The following TUSC3 variants were observed in gnomAD, a reference collection of about 807,000 sequenced individuals.
The protein encoded by TUSC3 is tumor suppressor candidate 3, also known as dolichyl-diphosphooligosaccharide--protein glycosyltransferase subunit TUSC3.
In TUSC3, 45 loss-of-function variants were observed where a neutral mutation model predicts 44.8. That is an observed-to-expected ratio of 1.00 (90% CI 0.79 to 1.29). The LOEUF (loss-of-function observed/expected upper bound fraction) is 1.29. TUSC3 is among the 50% of genes most tolerant of loss of function. The probability of loss-of-function intolerance (pLI) is 0.00; values close to 1 mark genes in which losing one functional copy is unlikely to be tolerated. For missense variants in TUSC3, 519 were observed against 437.9 expected (o/e 1.19, Z -1.65); for synonymous variants, 212 against 152.9 (o/e 1.39, Z -2.85).
At chr8:15,627,275 C>G (rs181712171) in intron 2 of TUSC3, among the ~76,000 whole-genome samples, 2 of 152,320 alleles carry the variant, frequency 1.3e-5, no homozygotes, top group Admixed American at 1.3e-4. Context: ...GACAGCCTGC[C>G]TGGCAGAAAG....
downstream of TUSC3, among the ~76,000 whole-genome samples, chr8:15,769,072 TACTTTA>T (rs1812397751): frequency 6.6e-6 from 1 of 152,124 alleles, no homozygotes; most frequent in African/African-American, 2.4e-5. Context: ...AGAAAGAAAC[TACTTTA>T]AATTTCATGT....
chr8:15,562,066 G>T (rs987780285), intron 1 of TUSC3, among the ~76,000 whole-genome samples: 2 of 152,144 alleles, frequency 1.3e-5, no homozygotes, highest in Non-Finnish European at 2.9e-5. Flanking sequence ...TCATAGCTAA[G>T]ATGGAAATGG....
intron 1 of TUSC3, among the ~76,000 whole-genome samples, chr8:15,480,401 A>G (rs1447022822): frequency 6.6e-6 from 1 of 152,218 alleles, no homozygotes; most frequent in East Asian, 1.9e-4. Context: ...CTGGTTGGCT[A>G]GGATTGCCAT....
intron 8 of TUSC3, among the ~76,000 whole-genome samples, chr8:15,745,914 G>C (rs561885148): frequency 6.6e-6 from 1 of 152,130 alleles, no homozygotes; most frequent in Non-Finnish European, 1.5e-5. Flanking sequence ...TAAAGTTTTA[G>C]GTGTTACATT....
rs559078837 is a variant in TUSC3, at chr8:15,603,082, T to C, written c.139-19998T>C. Reference sequence around the variant, plus strand: ...AAAGGAGACCATAAGTAAATTGATATGTCAAGTCCTAGACAGAAGATATCA... The same window carrying C: ...AAAGGAGACCATAAGTAAATTGATACGTCAAGTCCTAGACAGAAGATATCA... On this transcript the variant is annotated intron_variant, in intron 1 of 10. Transcript: ENST00000503731. Among the ~76,000 whole-genome samples the C allele has an allele frequency of 3.6e-4, 54 of 151,670 alleles. No homozygotes were observed. In the Middle Eastern group the frequency reaches 0.014, roughly 38 times the overall value.
At chr8:15,695,484 G>A (rs957188117) in intron 6 of TUSC3, among the ~76,000 whole-genome samples, 4 of 152,146 alleles carry the variant, frequency 2.6e-5, no homozygotes, top group Non-Finnish European at 5.9e-5. Flanking sequence ...GCTTGGGTGT[G>A]TCTTTATCAG....
intron 1 of TUSC3, among the ~76,000 whole-genome samples, chr8:15,573,490 A>G (rs1802970932): frequency 6.6e-6 from 1 of 151,834 alleles, no homozygotes; most frequent in Non-Finnish European, 1.5e-5. Flanking sequence ...TTTATATTTC[A>G]GAGCACAGTA....
chr8:15,470,498 C>T (rs967567008), intron 1 of TUSC3, among the ~76,000 whole-genome samples: 1 of 151,892 alleles, frequency 6.6e-6, no homozygotes, highest in Non-Finnish European at 1.5e-5. Context: ...AACATATGTA[C>T]CATTCTGATG....
At chr8:15,553,370 T>G (rs1214976034) in intron 1 of TUSC3, among the ~76,000 whole-genome samples, 1 of 151,648 alleles carries the variant, frequency 6.6e-6, no homozygotes, top group Non-Finnish European at 1.5e-5. Context: ...AAGCGATGCT[T>G]GCAAAAGATC....
At chr8:15,600,186 T>G (rs1804227176) in intron 1 of TUSC3, among the ~76,000 whole-genome samples, 1 of 151,816 alleles carries the variant, frequency 6.6e-6, no homozygotes, top group Non-Finnish European at 1.5e-5. Flanking sequence ...AAATTCTAAT[T>G]CATTTTCCAA....
intron 1 of TUSC3, among the ~76,000 whole-genome samples, chr8:15,617,822 A>T (rs1194974397): frequency 1.3e-5 from 2 of 152,318 alleles, no homozygotes; most frequent in East Asian, 3.9e-4. Flanking sequence ...TCATTTAAAA[A>T]TATGTAAGGC....
intron 6 of TUSC3, among the ~76,000 whole-genome samples, chr8:15,705,650 G>A (rs1350990826): frequency 6.6e-6 from 1 of 151,990 alleles, no homozygotes; most frequent in Non-Finnish European, 1.5e-5. Flanking sequence ...ATGGCCCTAT[G>A]TGATAGAGTG....
At chr8:15,431,583 T>G (rs1050442721) in intron 1 of TUSC3, among the ~76,000 whole-genome samples, 1 of 150,154 alleles carries the variant, frequency 6.7e-6, no homozygotes, top group African/African-American at 2.5e-5. Context: ...GCAAACTCTT[T>G]AGAGGTTTCT....
At chr8:15,546,303 A>T (rs1801861885) in intron 1 of TUSC3, among the ~76,000 whole-genome samples, 1 of 151,720 alleles carries the variant, frequency 6.6e-6, no homozygotes, top group South Asian at 2.1e-4. Flanking sequence ...AAATTTTAAC[A>T]TTCTGGCACA....
At chr8:15,768,951 C>G (rs1259730330), downstream of TUSC3, among the ~76,000 whole-genome samples, 2 of 152,140 alleles carry the variant, frequency 1.3e-5, no homozygotes, top group African/African-American at 2.4e-5. Context: ...GAAACACATT[C>G]CATGCTCATG....
intron 1 of TUSC3, among the ~76,000 whole-genome samples, chr8:15,577,868 G>T (rs376626135): frequency 1.2e-4 from 18 of 150,744 alleles, no homozygotes; most frequent in East Asian, 5.8e-4. Flanking sequence ...TTGGTAGCTT[G>T]ATGGGGATGG....
At chr8:15,440,588 C>T (rs1800008031) in intron 1 of TUSC3, among the ~76,000 whole-genome samples, 1 of 152,172 alleles carries the variant, frequency 6.6e-6, no homozygotes, top group African/African-American at 2.4e-5. Context: ...TGAGGCATAG[C>T]ATCTTACAGG....
intron 1 of TUSC3, among the ~76,000 whole-genome samples, chr8:15,602,743 G>A (rs1019625887): frequency 6.6e-6 from 1 of 150,422 alleles, no homozygotes; most frequent in Non-Finnish European, 1.5e-5. Context: ...CACAAAATAT[G>A]GGTTGTATGG....
chr8:15,786,878 A>G, the TUSC3 span, among the ~76,000 whole-genome samples: 773 of 137,756 alleles, frequency 5.6e-3, 4 homozygotes, highest in Admixed American at 0.014. Flanking sequence ...CAGGAGGCAG[A>G]GGTTGCAGTG....
Sources: gnomAD v4.1 joint callset for allele counts (sites outside exome capture counted in the v4.1 genomes callset) on GRCh38, gnomAD v4.1.1 for gene constraint, MANE v1.5 for transcripts, NCBI Gene and HGNC (gene_info 2026-07-23, HGNC 2026-07-21) for gene names.